Variants in RBFOX1 observed in about 807,000 individuals in gnomAD.
RBFOX1 encodes the protein RNA binding protein fox-1 homolog 1.
RBFOX1 carries 8 observed loss-of-function variants against 57.7 expected under a neutral mutation model. The observed-to-expected ratio is 0.14, with a 90% CI of 0.08 to 0.25. RBFOX1 has a LOEUF of 0.25. Ranked by LOEUF, RBFOX1 falls within the 10% of genes least tolerant of loss-of-function variation. The pLI, the probability that RBFOX1 is intolerant of heterozygous loss-of-function variation, is 1.00. For missense variants in RBFOX1, 611 were observed against 548.5 expected (o/e 1.11, Z -1.14); for synonymous variants, 326 against 222.4 (o/e 1.47, Z -4.15).
chr16:7,484,421 A>C (rs1236203962), intron 4 of RBFOX1, among the ~76,000 whole-genome samples: 1 of 152,144 alleles, frequency 6.6e-6, no homozygotes, highest in Admixed American at 6.5e-5. Context: ...TGTTATCCAA[A>C]GTGGCTGTGC....
At chr16:7,586,572 C>T (rs947673308) in intron 6 of RBFOX1, among the ~76,000 whole-genome samples, 1 of 152,200 alleles carries the variant, frequency 6.6e-6, no homozygotes, top group Non-Finnish European at 1.5e-5. Context: ...CAAGTGTCTG[C>T]ATTTTATTTG....
At chr16:6,060,229 G>A (rs2095668203) in intron 1 of RBFOX1, among the ~76,000 whole-genome samples, 1 of 144,790 alleles carries the variant, frequency 6.9e-6, no homozygotes, top group Non-Finnish European at 1.5e-5. Context: ...ACAACGTACT[G>A]AGTTTTGGCT....
chr16:5,337,976 T>G (rs551763719), intron 1 of RBFOX1, among the ~76,000 whole-genome samples: 1 of 152,146 alleles, frequency 6.6e-6, no homozygotes, highest in African/African-American at 2.4e-5. Flanking sequence ...CCCAGGAGAT[T>G]GAGGCTGCAG....
intron 4 of RBFOX1, among the ~76,000 whole-genome samples, chr16:7,485,092 G>C (rs1487303118): frequency 6.6e-6 from 1 of 150,488 alleles, no homozygotes; most frequent in Non-Finnish European, 1.5e-5. Flanking sequence ...CAGAGGACTT[G>C]ACTTAGATAA....
chr16:7,181,607 G>C (rs1266871619), intron 4 of RBFOX1, among the ~76,000 whole-genome samples: 2 of 151,790 alleles, frequency 1.3e-5, no homozygotes, highest in African/African-American at 2.4e-5. Flanking sequence ...CTGTTGCCCA[G>C]GCTGGAGTGC....
intron 6 of RBFOX1, among the ~76,000 whole-genome samples, chr16:7,581,938 A>G (rs2093798679): frequency 6.6e-6 from 1 of 151,712 alleles, no homozygotes; most frequent in South Asian, 2.1e-4. Flanking sequence ...GCTGCTCACA[A>G]ATTCCTGGCC....
intron 4 of RBFOX1, among the ~76,000 whole-genome samples, chr16:7,330,502 GTGTGTGTTTGTGTGTGTGTGTGT>G (rs2096672591): frequency 2.4e-5 from 2 of 84,750 alleles, no homozygotes; most frequent in African/African-American, 1.2e-4. Context: ...GTGTGTGTGT[GTGTGTGTTTGTGTGTGTGTGTGT>G]AGAGAGAGAG....
chr16:5,387,593 C>T (rs1229241896), intron 1 of RBFOX1, among the ~76,000 whole-genome samples: 1 of 152,176 alleles, frequency 6.6e-6, no homozygotes, highest in Admixed American at 6.5e-5. Context: ...ATTGCATTGA[C>T]TGAAACATAA....
chr16:7,582,169 A>T (rs990677751), intron 6 of RBFOX1, among the ~76,000 whole-genome samples: 2 of 152,078 alleles, frequency 1.3e-5, no homozygotes, highest in Non-Finnish European at 2.9e-5. Context: ...CTGGGACTAC[A>T]TGCATTCACC....
chr16:7,380,314 A>G (rs78573830), intron 4 of RBFOX1, among the ~76,000 whole-genome samples: 3 of 152,110 alleles, frequency 2.0e-5, no homozygotes, highest in African/African-American at 4.8e-5. Context: ...TTCCTCCCCC[A>G]TCATTTAATA....
chr16:6,870,363 A>T (rs936646952), intron 3 of RBFOX1, among the ~76,000 whole-genome samples: 1 of 152,174 alleles, frequency 6.6e-6, no homozygotes, highest in South Asian at 2.1e-4. Flanking sequence ...AGATGCTCCT[A>T]TTGGATTTTC....
chr16:7,653,630 C>G (rs2065597606), intron 11 of RBFOX1, among the ~76,000 whole-genome samples, 185 bp from the exon 12 acceptor site: 1 of 152,216 alleles, frequency 6.6e-6, no homozygotes, highest in Non-Finnish European at 1.5e-5. Flanking sequence ...ACTACTCATC[C>G]TCTCTGGAGT....
chr16:6,291,916 C>T (rs67239940), intron 1 of RBFOX1, among the ~76,000 whole-genome samples: 20,731 of 151,826 alleles, frequency 0.14, 1,704 homozygotes, highest in Non-Finnish European at 0.17. Context: ...TCTTTATAAT[C>T]TTTCAAAAGT....
intron 3 of RBFOX1, among the ~76,000 whole-genome samples, chr16:5,725,400 C>T (rs1038803631): frequency 6.6e-6 from 1 of 151,892 alleles, no homozygotes; most frequent in Non-Finnish European, 1.5e-5. Flanking sequence ...TGCACCACTG[C>T]CCCCAGCTAA....
At chr16:6,584,147 G>T (rs1567772570) in intron 2 of RBFOX1, among the ~76,000 whole-genome samples, 1 of 151,802 alleles carries the variant, frequency 6.6e-6, no homozygotes, top group Admixed American at 6.6e-5. Context: ...TGTTCCTATT[G>T]TGTGGTAAGC....
intron 1 of RBFOX1, among the ~76,000 whole-genome samples, chr16:5,408,900 A>G (rs540956): frequency 0.16 from 24,796 of 152,228 alleles, 2,150 homozygotes; most frequent in Middle Eastern, 0.21. Flanking sequence ...GTGTTACACC[A>G]TTCATGAGAA....
intron 1 of RBFOX1, among the ~76,000 whole-genome samples, chr16:5,425,821 G>T (rs1411059245): frequency 6.6e-6 from 1 of 152,184 alleles, no homozygotes. Context: ...GGCTTGGCGA[G>T]AGTTGGGCGG....
At chr16:5,239,951 G>A (rs1207554115) in exon 1 of RBFOX1, 1 of 1,528,050 alleles carries the variant, frequency 6.5e-7, no homozygotes, top group African/African-American at 1.4e-5. Context: ...GGCCGGCCCA[G>A]GAGGGAGGAG....
chr16:5,274,238 GAGTT>G (rs911582911), intron 1 of RBFOX1, among the ~76,000 whole-genome samples: 1 of 152,276 alleles, frequency 6.6e-6, no homozygotes, highest in Admixed American at 6.5e-5. Flanking sequence ...TCTCAAGAGT[GAGTT>G]AGGTGTTCAG....
Sources: gnomAD v4.1 joint callset for allele counts (sites outside exome capture counted in the v4.1 genomes callset) on GRCh38, gnomAD v4.1.1 for gene constraint, MANE v1.5 for transcripts, NCBI Gene and HGNC (gene_info 2026-07-23, HGNC 2026-07-21) for gene names.